The following IFT43 variants were observed in gnomAD, a reference collection of about 807,000 sequenced individuals.
IFT43 encodes the protein intraflagellar transport protein 43 homolog.
In IFT43, 33 loss-of-function variants were observed where a neutral mutation model predicts 32.3. The observed-to-expected ratio is 1.02, with a 90% CI of 0.77 to 1.37. IFT43 has a LOEUF of 1.37. IFT43 is among the 40% of genes most tolerant of loss of function. The pLI is 0.00. For missense variants in IFT43, 274 were observed against 265.9 expected (o/e 1.03, Z -0.21); for synonymous variants, 93 against 98.2 (o/e 0.95, Z 0.31).
chr14:76,011,205 T>C (rs1355931741), intron 2 of IFT43, among the ~76,000 whole-genome samples: 3 of 152,180 alleles, frequency 2.0e-5, no homozygotes, highest in Non-Finnish European at 4.4e-5. Flanking sequence ...CCACTGCACC[T>C]GGCCCACTCC....
chr14:76,048,814 A>T (rs2140027210), intron 3 of IFT43, among the ~76,000 whole-genome samples: 1 of 152,268 alleles, frequency 6.6e-6, no homozygotes, highest in South Asian at 2.1e-4. Flanking sequence ...TTTACCAGGG[A>T]TTCACCAGGG....
intron 3 of IFT43, among the ~76,000 whole-genome samples, chr14:76,057,889 G>A (rs954033850): frequency 1.8e-4 from 28 of 152,014 alleles, no homozygotes; most frequent in African/African-American, 6.3e-4. Context: ...TCAACATTTC[G>A]CCAGTCTTAT....
intron 5 of IFT43, among the ~76,000 whole-genome samples, chr14:76,062,389 A>G (rs193145500): frequency 3.3e-5 from 5 of 151,964 alleles, no homozygotes; most frequent in Non-Finnish European, 7.4e-5. Context: ...GCTTCTTTAC[A>G]TGATTAGTAG....
At chr14:76,059,230 A>G (rs2037084114) in intron 4 of IFT43, 97 bp from the exon 5 acceptor site, 2 of 1,609,406 alleles carry the variant, frequency 1.2e-6, no homozygotes, top group Admixed American at 1.7e-5. Context: ...GGACATTTTC[A>G]TCTAGGAGAA....
chr14:76,054,411 T>G (rs2036971684), intron 3 of IFT43, among the ~76,000 whole-genome samples: 1 of 152,260 alleles, frequency 6.6e-6, no homozygotes, highest in African/African-American at 2.4e-5. Context: ...TTGAAAAGGC[T>G]TGAGGCAAAG....
intron 2 of IFT43, among the ~76,000 whole-genome samples, chr14:75,997,538 T>C (rs921240617): frequency 6.6e-6 from 1 of 152,246 alleles, no homozygotes; most frequent in South Asian, 2.1e-4. Context: ...TTTCAGATTC[T>C]ATTGCAATGT....
intron 5 of IFT43, among the ~76,000 whole-genome samples, chr14:76,064,296 C>G (rs1375505669): frequency 6.6e-6 from 1 of 152,178 alleles, no homozygotes; most frequent in Non-Finnish European, 1.5e-5. Flanking sequence ...ATGTCTTTTA[C>G]CAGTGCTAAA....
At chr14:76,047,128 T>C (rs967428403) in intron 3 of IFT43, among the ~76,000 whole-genome samples, 3 of 152,182 alleles carry the variant, frequency 2.0e-5, no homozygotes, top group Non-Finnish European at 2.9e-5. Context: ...TGAATACTGT[T>C]GCATTGGGGA....
intron 5 of IFT43, among the ~76,000 whole-genome samples, chr14:76,061,120 T>G (rs1479684097): frequency 6.6e-6 from 1 of 152,128 alleles, no homozygotes; most frequent in Non-Finnish European, 1.5e-5. Flanking sequence ...CAGTTTGGTC[T>G]CAAACTCCTG....
chr14:76,042,107 G>T (rs1360248772), intron 3 of IFT43, among the ~76,000 whole-genome samples: 1 of 149,834 alleles, frequency 6.7e-6, no homozygotes, highest in African/African-American at 2.5e-5. Flanking sequence ...TATGGACGAG[G>T]ACACACACAC....
chr14:76,082,749 G>A (rs1011342562), intron 7 of IFT43, 57 bp downstream of exon 7: 43 of 1,277,530 alleles, frequency 3.4e-5, no homozygotes, highest in African/African-American at 1.9e-4. Flanking sequence ...GCTTCAATCC[G>A]TAGAGATTTC....
intron 5 of IFT43, among the ~76,000 whole-genome samples, chr14:76,073,026 C>G (rs906420510): frequency 3.3e-5 from 5 of 152,136 alleles, no homozygotes; most frequent in African/African-American, 1.2e-4. Context: ...CCAGGGAGAT[C>G]TTAGACTGCT....
Position 75,988,875 on chromosome 14 carries a change from C to G in IFT43, c.55-10C>G. 1 of 1,613,848 alleles carries G rather than the reference C, an allele frequency of 6.2e-7. No homozygotes were observed. The highest frequency in any genetic ancestry group is 8.5e-7 in the Non-Finnish European group (1 of 1,179,954). On this transcript the variant is annotated splice_polypyrimidine_tract_variant and intron_variant, in intron 1 of 8. Coordinates refer to ENST00000314067, the MANE Select transcript of IFT43 (RefSeq NM_001102564.3). ...TTTGGGTCAGCAGTGCCTTCTGTTT[C>G]TCCTTACAGAGGGCCAAGATGGGTC... is the stretch of plus-strand genomic sequence containing the variant.
intron 2 of IFT43, among the ~76,000 whole-genome samples, chr14:76,012,491 G>A (rs2036104413): frequency 6.6e-6 from 1 of 152,198 alleles, no homozygotes; most frequent in Non-Finnish European, 1.5e-5. Flanking sequence ...TTTCAGGACT[G>A]CAACCGCCAG....
chr14:76,063,082 C>G (rs2037171954), intron 5 of IFT43, among the ~76,000 whole-genome samples: 1 of 152,084 alleles, frequency 6.6e-6, no homozygotes, highest in South Asian at 2.1e-4. Flanking sequence ...AGAGTTAGCC[C>G]TAAACACTAA....
At chr14:76,024,956 A>C (rs1401272111) in intron 3 of IFT43, among the ~76,000 whole-genome samples, 1 of 152,256 alleles carries the variant, frequency 6.6e-6, no homozygotes, top group Non-Finnish European at 1.5e-5. Flanking sequence ...AAGTGGAGTC[A>C]TAGATGCCTG....
chr14:76,034,477 C>T (rs564496757), intron 3 of IFT43, among the ~76,000 whole-genome samples: 6 of 152,132 alleles, frequency 3.9e-5, no homozygotes, highest in African/African-American at 1.4e-4. Context: ...ATATTCAGTC[C>T]GTAGCAGCAC....
chr14:76,048,691 A>G (rs143017175), intron 3 of IFT43, among the ~76,000 whole-genome samples: 3 of 152,132 alleles, frequency 2.0e-5, no homozygotes, highest in Non-Finnish European at 2.9e-5. Context: ...CTTTTGACCC[A>G]TGCTGCCCCC....
In IFT43 at chr14:76,050,410, GGTTTGGATGTGGTGGGAGT is replaced by G. The variant is rs1194905234; in HGVS notation, c.216-8193_216-8175del. The stretch of plus-strand genomic sequence containing the variant: ...TGGGAGTATTTGGATGTGGTGGGAG[GGTTTGGATGTGGTGGGAGT>G]GTTTGGATGTGGTGGGAGTGTTTGG... On this transcript the variant is annotated intron_variant, in intron 3 of 8. Transcript: ENST00000314067. 1.1e-3 allele frequency among the ~76,000 whole-genome samples: 160 copies of G among 151,928 alleles called. 1 individual carries two copies. Among genetic ancestry groups the G allele is most frequent in the Admixed American group, 2.2e-3 (33 of 15,236 alleles).
Sources: allele counts gnomAD v4.1 joint callset (sites outside exome capture counted in the v4.1 genomes callset), GRCh38; gene constraint gnomAD v4.1.1; transcripts MANE v1.5; gene names NCBI Gene and HGNC (gene_info 2026-07-23, HGNC 2026-07-21).